Variants in ABHD2 observed in about 807,000 individuals in gnomAD.
The protein encoded by ABHD2 is abhydrolase domain containing 2, acylglycerol lipase.
Under a neutral mutation model 48.1 loss-of-function variants are expected in ABHD2, and 20 were observed. That is an observed-to-expected ratio of 0.42 (90% confidence interval 0.29 to 0.60). The LOEUF is 0.60. Among genes scored for constraint, ABHD2 ranks in the 20% least tolerant of loss-of-function variants. The pLI is 0.24. For missense variants in ABHD2, 405 were observed against 550.9 expected, an observed-to-expected ratio of 0.74 and a Z score of 2.65; for synonymous variants, 209 against 214.2, an observed-to-expected ratio of 0.98 and a Z score of 0.21.
intron 3 of ABHD2, among the ~76,000 whole-genome samples, chr15:89,132,680 A>G (rs1014766172): frequency 2.6e-5 from 4 of 152,228 alleles, no homozygotes; most frequent in African/African-American, 9.6e-5. Flanking sequence ...GAAAGCCATT[A>G]TCTTGTTCAT....
chr15:89,171,585 G>A (rs910969493), intron 5 of ABHD2, among the ~76,000 whole-genome samples: 17 of 152,176 alleles, frequency 1.1e-4, no homozygotes, highest in South Asian at 2.1e-4. Flanking sequence ...GAACGGCGAT[G>A]TGCTACCTGT....
chr15:89,170,928 C>T (rs1203811610), intron 5 of ABHD2, among the ~76,000 whole-genome samples: 2 of 151,962 alleles, frequency 1.3e-5, no homozygotes, highest in Non-Finnish European at 2.9e-5. Flanking sequence ...CCAGCCTGGC[C>T]AACATGGTGA....
At chr15:89,072,084 G>A in the ABHD2 span, among the ~76,000 whole-genome samples, 2 of 152,158 alleles carry the variant, frequency 1.3e-5, no homozygotes, top group East Asian at 3.9e-4. Flanking sequence ...CCTTTTTGAG[G>A]AGAACAAAAA....
At chr15:89,067,164 G>A in the ABHD2 span, among the ~76,000 whole-genome samples, 6 of 151,426 alleles carry the variant, frequency 4.0e-5, no homozygotes, top group Non-Finnish European at 8.9e-5. Context: ...GGATCAGGGG[G>A]CCAATGCTAG....
intron 3 of ABHD2, among the ~76,000 whole-genome samples, chr15:89,140,985 G>A (rs548778011): frequency 1.6e-3 from 221 of 137,158 alleles, no homozygotes; most frequent in African/African-American, 5.5e-3. Flanking sequence ...TTTTTTTTTT[G>A]TTGGACAGAG....
At chr15:89,154,603 CT>C (rs938976088) in intron 4 of ABHD2, among the ~76,000 whole-genome samples, 11 of 152,158 alleles carry the variant, frequency 7.2e-5, no homozygotes, top group South Asian at 2.1e-4. Context: ...ATATAGATAT[CT>C]TTTTTTTCTC....
the ABHD2 span, among the ~76,000 whole-genome samples, chr15:89,052,932 A>T: frequency 2.0e-5 from 3 of 150,702 alleles, no homozygotes; most frequent in African/African-American, 7.3e-5. Context: ...ACCTATGAAA[A>T]CGTAGTCCAG....
chr15:89,057,239 T>A, the ABHD2 span, among the ~76,000 whole-genome samples: 16 of 152,178 alleles, frequency 1.1e-4, no homozygotes, highest in African/African-American at 3.9e-4. Context: ...TTAAAAGTGT[T>A]AAGTGAAAAG....
In ABHD2 at chr15:89,139,777, A is replaced by T. The variant is rs572391332; in HGVS notation, c.195-11900A>T. 3.8e-4 allele frequency among the ~76,000 whole-genome samples: 58 copies of T among 152,168 alleles called. No homozygotes were observed. The South Asian group carries it at 0.011, about 29-fold the overall frequency. On this transcript the variant is annotated intron_variant, in intron 3 of 10. Transcript: ENST00000352732. ...TGCTTTTCTTCCCTTGAGTGTGTGCACTCAAGTAAGCAGAGTGGAGGGCCT... is the reference window on the plus strand; with the variant it reads ...TGCTTTTCTTCCCTTGAGTGTGTGCTCTCAAGTAAGCAGAGTGGAGGGCCT...
In ABHD2 at chr15:89,165,598, A is replaced by T. The variant is rs113484982; in HGVS notation, c.538+10064A>T. ...AAGTCCTTGTCTCTAAAAAAAAAAA[A>T]TTTTTTTAACTAATAGGGTACTCTA... On this transcript the variant is annotated intron_variant, in intron 5 of 10. Transcript: ENST00000352732. 1.1e-3 allele frequency among the ~76,000 whole-genome samples: 172 copies of T among 151,314 alleles called. 1 individual carries two copies. Among genetic ancestry groups the T allele is most frequent in the African/African-American group, 3.0e-3 (124 of 41,158 alleles).
At chr15:89,067,207 G>T in the ABHD2 span, among the ~76,000 whole-genome samples, 4 of 152,158 alleles carry the variant, frequency 2.6e-5, no homozygotes, top group African/African-American at 9.7e-5. Context: ...AGCTCTGGAA[G>T]CCCACACTAT....
At chr15:89,129,644 CCA>C (rs778593055) in intron 3 of ABHD2, among the ~76,000 whole-genome samples, 1 of 152,148 alleles carries the variant, frequency 6.6e-6, no homozygotes, top group Non-Finnish European at 1.5e-5. Context: ...CCCCGGGAAT[CCA>C]GAGTCCAGAT....
intron 4 of ABHD2, among the ~76,000 whole-genome samples, chr15:89,154,414 A>G (rs916230086): frequency 6.6e-6 from 1 of 152,214 alleles, no homozygotes; most frequent in Non-Finnish European, 1.5e-5. Context: ...AAAGAAAAGT[A>G]TGTATTCATA....
intron 5 of ABHD2, among the ~76,000 whole-genome samples, chr15:89,162,476 A>G (rs568149456): frequency 3.3e-4 from 50 of 152,250 alleles, no homozygotes; most frequent in Non-Finnish European, 6.2e-4. Flanking sequence ...TCCCCAGGAC[A>G]TACTGCAGTC....
At position 89,196,483 on chromosome 15, in the gene ABHD2, T is replaced by C. The variant is rs1272878659; in HGVS notation, c.*1060T>C. ...TTCAAAGTTCAATGACAAACTCAGT[T>C]TACTGAGGTTTGAGAGAACATCCCT... is the stretch of plus-strand genomic sequence containing the variant. On this transcript the variant is annotated 3_prime_UTR_variant, in exon 11 of 11. Coordinates refer to ENST00000352732, the MANE Select transcript of ABHD2 (RefSeq NM_152924.5). 2 of 152,176 alleles carry C rather than the reference T, an allele frequency of 1.3e-5. 1 individual carries two copies. The highest frequency in any genetic ancestry group is 2.9e-5 in the Non-Finnish European group (2 of 68,024). 9.4% of individuals were successfully genotyped at this position (152,176 alleles called of 1,614,324 possible).
the ABHD2 span, among the ~76,000 whole-genome samples, chr15:89,075,004 C>T: frequency 6.6e-6 from 1 of 152,170 alleles, no homozygotes; most frequent in Admixed American, 6.5e-5. This position sits in a 1 kb window ranked among gnomAD's most constrained non-coding sequence, Gnocchi z 4.1. Context: ...AACTTTAGTA[C>T]AGAGACACCC....
chr15:89,094,549 A>C lies in ABHD2; in HGVS notation c.-107+5986A>C, dbSNP rs1027047605. On this transcript the variant is annotated intron_variant, in intron 1 of 10. Coordinates refer to ENST00000352732, the MANE Select transcript of ABHD2 (RefSeq NM_152924.5). This position sits in a 1 kb window ranked among gnomAD's most constrained non-coding sequence, Gnocchi z 4.7. ...ATGGTGAAACCCCGTCTCTACTAAA[A>C]ATACAAAAATTAGCTGAGCATGGTG... Among the ~76,000 whole-genome samples the C allele has an allele frequency of 1.3e-5, 2 of 151,636 alleles. No individual in the cohort carries two copies. The highest frequency in any genetic ancestry group is 1.3e-4 in the Admixed American group (2 of 15,220).
chr15:89,129,198 G>A (rs1053813874), intron 3 of ABHD2, among the ~76,000 whole-genome samples: 4 of 150,960 alleles, frequency 2.6e-5, no homozygotes, highest in Non-Finnish European at 4.4e-5. Context: ...TGCAGGTAGG[G>A]GAGGTTGTGG....
At chr15:89,134,166 T>TA (rs2050266218) in intron 3 of ABHD2, among the ~76,000 whole-genome samples, 1 of 152,180 alleles carries the variant, frequency 6.6e-6, no homozygotes, top group Non-Finnish European at 1.5e-5. Flanking sequence ...TTTGCATAAT[T>TA]AAATTTTTCA....
Sources: gnomAD v4.1 joint callset for allele counts (sites outside exome capture counted in the v4.1 genomes callset) on GRCh38, gnomAD v4.1.1 for gene constraint, Gnocchi (gnomAD v3.1) non-coding constraint, MANE v1.5 for transcripts, NCBI Gene and HGNC (gene_info 2026-07-23, HGNC 2026-07-21) for gene names.